PIAS2: variants seen among roughly 807,000 people sequenced by gnomAD.
PIAS2 encodes protein inhibitor of activated STAT 2, also known as E3 SUMO-protein ligase PIAS2.
PIAS2 carries 19 observed loss-of-function variants against 69.7 expected under a neutral mutation model. That is an observed-to-expected ratio of 0.27 (90% CI 0.19 to 0.40). The LOEUF (loss-of-function observed/expected upper bound fraction) is 0.40. Among genes scored for constraint, PIAS2 ranks in the 10% least tolerant of loss-of-function variants. The pLI is 1.00. For synonymous variants in PIAS2, 261 were observed against 263.2 expected (o/e 0.99, Z 0.08); for missense variants, 624 against 757.0 (o/e 0.82, Z 2.06).
At chr18:46,817,706 T>G in intron 12 of PIAS2, 1 of 944,028 alleles carries the variant, frequency 1.1e-6, no homozygotes, top group Non-Finnish European at 1.3e-6. Context: ...GGGTGCTGTC[T>G]ATATAAAACC....
chr18:46,917,275 C>T (rs1190740603), intron 1 of PIAS2, 47 bp downstream of exon 1: 3 of 1,450,684 alleles, frequency 2.1e-6, no homozygotes, highest in East Asian at 3.2e-5. Flanking sequence ...TCCCCACCTC[C>T]TCTCCCATCC....
chr18:46,855,037 TAGG>T (rs1490136190), intron 5 of PIAS2, among the ~76,000 whole-genome samples: 7 of 139,470 alleles, frequency 5.0e-5, no homozygotes, highest in African/African-American at 1.9e-4. Context: ...GAGGCTGAGG[TAGG>T]AGGATTGCTT....
intron 1 of PIAS2, among the ~76,000 whole-genome samples, chr18:46,908,542 A>C (rs955380905): frequency 4.1e-5 from 1 of 24,648 alleles, no homozygotes; most frequent in Non-Finnish European, 7.3e-5. Context: ...GAGAAAAGGT[A>C]AAAAAAAAAC....
intron 6 of PIAS2, among the ~76,000 whole-genome samples, chr18:46,845,201 T>C (rs2045991417): frequency 6.6e-6 from 1 of 152,172 alleles, no homozygotes; most frequent in Non-Finnish European, 1.5e-5. Flanking sequence ...CCAAAATCAT[T>C]CTGCTTTTAT....
intron 3 of PIAS2, among the ~76,000 whole-genome samples, chr18:46,860,110 A>C (rs2048438510): frequency 6.6e-6 from 1 of 152,212 alleles, no homozygotes; most frequent in South Asian, 2.1e-4. Context: ...AAGGGGAGGG[A>C]GCTAGAAACA....
In PIAS2 at chr18:46,891,379, C is replaced by T. The variant is rs143171853; in HGVS notation, c.25-325G>A. On this transcript the variant is annotated intron_variant, in intron 1 of 13. Transcript: ENST00000585916. ...TGCTTTATGACTATAAAATCTATCA[C>T]CAATGAATATACTCCTTTTCAAAAC... 673 of 326,904 alleles carry T rather than the reference C, an allele frequency of 2.1e-3. 1 individual carries two copies. Among genetic ancestry groups the T allele is most frequent in the African/African-American group, 1.0e-2 (459 of 46,114 alleles). The allele number at this position is 326,904 out of a possible 1,614,324, so 20.3% of individuals were successfully genotyped here.
At chr18:46,897,222 C>T (rs559841650) in intron 1 of PIAS2, among the ~76,000 whole-genome samples, 6 of 152,178 alleles carry the variant, frequency 3.9e-5, no homozygotes, top group South Asian at 2.1e-4. Context: ...GGTAAAAAAG[C>T]GGTTATGGCA....
At chr18:46,816,811 C>A in intron 12 of PIAS2, 3 of 985,104 alleles carry the variant, frequency 3.0e-6, no homozygotes, top group South Asian at 9.4e-5. Flanking sequence ...AGCTATATGA[C>A]ACAGTGGTTT....
At chr18:46,891,858 TAATG>T (rs1244914881) in intron 1 of PIAS2, among the ~76,000 whole-genome samples, 1 of 152,160 alleles carries the variant, frequency 6.6e-6, no homozygotes, top group Non-Finnish European at 1.5e-5. Context: ...CAGCAAAACT[TAATG>T]AATATTTTTA....
intron 1 of PIAS2, chr18:46,916,888 T>G: frequency 1.0e-6 from 1 of 985,504 alleles, no homozygotes; most frequent in Non-Finnish European, 1.2e-6. Context: ...CAACTTCAGC[T>G]TTCAGAAAAC....
intron 1 of PIAS2, 70 bp downstream of exon 1, chr18:46,917,252 C>A: frequency 2.8e-6 from 4 of 1,425,826 alleles, no homozygotes; most frequent in Non-Finnish European, 3.7e-6. Context: ...CGGCGGCCGG[C>A]GACGTTGCGG....
intron 8 of PIAS2, among the ~76,000 whole-genome samples, chr18:46,839,638 G>A (rs780852415): frequency 6.6e-6 from 1 of 151,994 alleles, no homozygotes; most frequent in Non-Finnish European, 1.5e-5. Context: ...GCCGAGGAGG[G>A]TGGATCACCT....
At chr18:46,891,828 C>A (rs997041816) in intron 1 of PIAS2, among the ~76,000 whole-genome samples, 1 of 152,160 alleles carries the variant, frequency 6.6e-6, no homozygotes, top group Non-Finnish European at 1.5e-5. Flanking sequence ...TGCAGCTTCA[C>A]ATCACACCTT....
At chr18:46,874,132 GATA>G (rs1368183519) in intron 2 of PIAS2, among the ~76,000 whole-genome samples, 1 of 152,130 alleles carries the variant, frequency 6.6e-6, no homozygotes, top group African/African-American at 2.4e-5. Context: ...ACAAGTTACA[GATA>G]ATTGTTTAAT....
chr18:46,869,877 G>A (rs117738269), intron 2 of PIAS2, among the ~76,000 whole-genome samples: 2,305 of 152,192 alleles, frequency 0.015, 29 homozygotes, highest in Non-Finnish European at 0.023. Flanking sequence ...CCCTGTATTG[G>A]CAGCAGGGAC....
intron 5 of PIAS2, 67 bp downstream of exon 5, chr18:46,855,278 G>C (rs2047573672): frequency 5.1e-6 from 5 of 985,160 alleles, no homozygotes; most frequent in Non-Finnish European, 4.7e-6. Context: ...CTGTTGCACT[G>C]TTTCTAGGCC....
At chr18:46,834,603 T>C (rs899924087) in intron 9 of PIAS2, among the ~76,000 whole-genome samples, 5 of 152,196 alleles carry the variant, frequency 3.3e-5, no homozygotes, top group Non-Finnish European at 5.9e-5. Context: ...ACATTTTTAT[T>C]TGTTGTTCCA....
At chr18:46,834,722 A>C (rs1304659943) in intron 9 of PIAS2, among the ~76,000 whole-genome samples, 1 of 152,166 alleles carries the variant, frequency 6.6e-6, no homozygotes, top group East Asian at 1.9e-4. Context: ...TCAGACAATC[A>C]TCCTGCCTTG....
At chr18:46,851,941 C>T (rs2047029828) in intron 5 of PIAS2, among the ~76,000 whole-genome samples, 1 of 152,170 alleles carries the variant, frequency 6.6e-6, no homozygotes, top group Non-Finnish European at 1.5e-5. Context: ...AAGCTTTTCC[C>T]TCCAGGATTC....
Sources: allele counts gnomAD v4.1 joint callset (sites outside exome capture counted in the v4.1 genomes callset), GRCh38; gene constraint gnomAD v4.1.1; transcripts MANE v1.5; gene names NCBI Gene and HGNC (gene_info 2026-07-23, HGNC 2026-07-21).